PPP1R36: variants seen among roughly 807,000 people sequenced by gnomAD.
The protein encoded by PPP1R36 is protein phosphatase 1 regulatory subunit 36.
PPP1R36 carries 47 observed loss-of-function variants against 53.4 expected under a neutral mutation model. The ratio of observed to expected loss-of-function variants is 0.88; its 90% CI spans 0.70 to 1.12. The LOEUF is 1.12. Among genes scored for constraint, PPP1R36 ranks in the 50% most tolerant of loss-of-function variants. The probability of loss-of-function intolerance (pLI) is 0.00; values close to 1 mark genes in which losing one functional copy is unlikely to be tolerated. For missense variants in PPP1R36, 456 were observed against 513.9 expected (o/e 0.89, Z 1.09); for synonymous variants, 153 against 170.5 (o/e 0.90, Z 0.80).
intron 8 of PPP1R36, among the ~76,000 whole-genome samples, chr14:64,582,188 T>C (rs2080394727): frequency 6.6e-6 from 1 of 152,128 alleles, no homozygotes; most frequent in African/African-American, 2.4e-5. Flanking sequence ...TCCCCTAAAA[T>C]ACATCCCTTT....
intron 3 of PPP1R36, among the ~76,000 whole-genome samples, chr14:64,554,279 G>A (rs2080127346): frequency 6.6e-6 from 1 of 150,662 alleles, no homozygotes; most frequent in Non-Finnish European, 1.5e-5. Flanking sequence ...AGCCTCCCGA[G>A]TAGCTGGGAT....
intron 3 of PPP1R36, 58 bp from the exon 4 acceptor site, chr14:64,564,693 T>C: frequency 8.6e-7 from 1 of 1,159,512 alleles, no homozygotes. Flanking sequence ...TATGATATGA[T>C]TTGACTTGTT....
intron 3 of PPP1R36, among the ~76,000 whole-genome samples, chr14:64,557,619 A>ATGTC (rs1371850994): frequency 3.3e-5 from 5 of 152,206 alleles, no homozygotes; most frequent in African/African-American, 1.2e-4. Context: ...TTGGCTTGAT[A>ATGTC]TGTCTTAATT....
intron 8 of PPP1R36, among the ~76,000 whole-genome samples, chr14:64,581,571 A>G (rs904706939): frequency 8.7e-5 from 11 of 126,316 alleles, no homozygotes; most frequent in African/African-American, 3.3e-4. Flanking sequence ...AGGGCTAGCT[A>G]GGTGCCTGGA....
intron 7 of PPP1R36, among the ~76,000 whole-genome samples, chr14:64,569,905 A>G (rs1425527025): frequency 6.6e-6 from 1 of 151,576 alleles, no homozygotes; most frequent in East Asian, 1.9e-4. Context: ...CGCCCAGCTA[A>G]TTTTTATATT....
In PPP1R36 at chr14:64,587,273, G is replaced by A; in HGVS notation, c.791G>A (p.Gly264Glu). The change falls in exon 10 of 12, where the codon GGG becomes GAG. Residue 264 changes from glycine to glutamate, a missense_variant. Transcript: ENST00000298705. ...QHLTEIEEEV[G>E]RLFRTNMFNI... The stretch of plus-strand genomic sequence containing the variant: ...TTGACAGAGATTGAAGAAGAAGTAG[G>A]GAGACTCTTTCGTACCAATATGTTC... 1 of 1,613,214 alleles carries A rather than the reference G, an allele frequency of 6.2e-7. No individual in the cohort carries two copies. The highest frequency in any genetic ancestry group is 1.1e-5 in the South Asian group (1 of 91,048).
chr14:64,583,898 CTCT>C (rs2080410054), intron 8 of PPP1R36, among the ~76,000 whole-genome samples: 1 of 142,534 alleles, frequency 7.0e-6, no homozygotes, highest in African/African-American at 2.6e-5. Context: ...ATGTTACCTC[CTCT>C]TTTTTTTTTT....
chr14:64,565,753 T>G, intron 6 of PPP1R36, 61 bp downstream of exon 6: 2 of 1,225,538 alleles, frequency 1.6e-6, no homozygotes, highest in Admixed American at 1.8e-5. Flanking sequence ...TAACTTCATC[T>G]GATAAGTGAT....
At chr14:64,553,796 T>C (rs1193182288) in intron 3 of PPP1R36, among the ~76,000 whole-genome samples, 1 of 140,216 alleles carries the variant, frequency 7.1e-6, no homozygotes, top group Admixed American at 7.5e-5. Flanking sequence ...TTAAGATTTA[T>C]GCACCTTACT....
At chr14:64,560,866 G>T (rs779259924) in intron 3 of PPP1R36, among the ~76,000 whole-genome samples, 1 of 152,168 alleles carries the variant, frequency 6.6e-6, no homozygotes, top group Non-Finnish European at 1.5e-5. Context: ...AGAGAGATCT[G>T]AGCCTTGAAT....
chr14:64,564,474 G>A (rs2080232890), intron 3 of PPP1R36, among the ~76,000 whole-genome samples: 1 of 152,272 alleles, frequency 6.6e-6, no homozygotes, highest in South Asian at 2.1e-4. Context: ...CTTACCAAGA[G>A]CTTTCTGTTT....
intron 3 of PPP1R36, among the ~76,000 whole-genome samples, chr14:64,556,713 G>A (rs115730561): frequency 0.015 from 2,295 of 149,046 alleles, 54 homozygotes; most frequent in African/African-American, 0.055. Context: ...TCATGATTGC[G>A]CCACTGTGCT....
At chr14:64,570,808 T>C (rs8017407) in intron 7 of PPP1R36, among the ~76,000 whole-genome samples, 1 of 152,074 alleles carries the variant, frequency 6.6e-6, no homozygotes, top group Non-Finnish European at 1.5e-5. Flanking sequence ...GTACACTTAA[T>C]TGATGTCAGG....
intron 4 of PPP1R36, 113 bp from the exon 5 acceptor site, chr14:64,565,244 A>AT: frequency 4.5e-6 from 3 of 668,296 alleles, no homozygotes; most frequent in Non-Finnish European, 7.7e-6. Context: ...AAACCCATGT[A>AT]TGACACTCAG....
rs1282633906 is a variant in PPP1R36, at chr14:64,589,241, G to A, written c.1172G>A (p.Arg391Lys). The A allele has an allele frequency of 1.2e-6, 2 of 1,613,894 alleles. No individual in the cohort carries two copies. The highest frequency in any genetic ancestry group is 1.7e-6 in the Non-Finnish European group (2 of 1,179,796). The change falls in exon 12 of 12, where the codon AGA (arginine) becomes AAA (lysine). Residue 391 changes from arginine (R) to lysine (K), a missense_variant. Transcript: ENST00000298705. ...GAAGAAAACACAAAATCATTTGGGA[G>A]ATATCCTTCCTTGATGGAAAACAAT... ...DPEENTKSFG[R>K]YPSLMENNNM...
intron 8 of PPP1R36, among the ~76,000 whole-genome samples, chr14:64,581,175 G>T (rs1036734141): frequency 6.6e-6 from 1 of 152,208 alleles, no homozygotes; most frequent in African/African-American, 2.4e-5. Context: ...AAAAAGGCAG[G>T]ATATTTTGAA....
intron 7 of PPP1R36, among the ~76,000 whole-genome samples, chr14:64,570,556 T>C (rs1477013895): frequency 2.0e-5 from 3 of 152,158 alleles, no homozygotes; most frequent in African/African-American, 7.2e-5. Flanking sequence ...AGGCTTCCTG[T>C]GGTCAGTTGG....
intron 8 of PPP1R36, 164 bp from the exon 9 acceptor site, chr14:64,586,672 AG>A: frequency 3.9e-6 from 2 of 517,592 alleles, no homozygotes. Flanking sequence ...AGGTTGAATA[AG>A]AAAGTATTGA....
At position 64,565,373 on chromosome 14, in the gene PPP1R36, C is replaced by A; in HGVS notation, c.286C>A (p.Leu96Ile). The change falls in exon 5 of 12, where the codon CTT (leucine) becomes ATT (isoleucine). Residue 96 changes from leucine to isoleucine, a missense_variant. Transcript: ENST00000298705. ...PASDRLTDKR[L>I]AAKDDKSAKA... ...CCAAAACAGGTTGACAGATAAAAGA[C>A]TTGCTGCAAAAGATGATAAGTCAGC... 6.2e-7 allele frequency: 1 copy of A among 1,612,402 alleles called. No individual in the cohort carries two copies. Among genetic ancestry groups the A allele is most frequent in the Non-Finnish European group, 8.5e-7 (1 of 1,178,904 alleles).
Sources: allele counts gnomAD v4.1 joint callset (sites outside exome capture counted in the v4.1 genomes callset), GRCh38; gene constraint gnomAD v4.1.1; transcripts MANE v1.5; gene names NCBI Gene and HGNC (gene_info 2026-07-23, HGNC 2026-07-21).